Variants in SNX3 observed in about 807,000 individuals in gnomAD.
The protein encoded by SNX3 is sorting nexin-3.
In SNX3, 5 loss-of-function variants were observed where a neutral mutation model predicts 17.7. The ratio of observed to expected loss-of-function variants is 0.28; its 90% CI spans 0.15 to 0.59. The LOEUF (loss-of-function observed/expected upper bound fraction) is 0.59. SNX3 is among the 20% of genes least tolerant of loss of function. The pLI is 0.88. For synonymous variants in SNX3, 91 were observed against 76.5 expected (o/e 1.19, Z -0.99); for missense variants, 132 against 206.8 (o/e 0.64, Z 2.22).
intron 1 of SNX3, among the ~76,000 whole-genome samples, chr6:108,258,674 A>G (rs1161633842): frequency 6.6e-6 from 1 of 151,740 alleles, no homozygotes; most frequent in Non-Finnish European, 1.5e-5. Context: ...ACCACGCCCA[A>G]CTAATTTCTT....
chr6:108,241,143 C>CAAAAA (rs71274311), intron 1 of SNX3, among the ~76,000 whole-genome samples: 1 of 51,180 alleles, frequency 2.0e-5, no homozygotes, highest in Non-Finnish European at 3.8e-5. Context: ...GACTCCGTCT[C>CAAAAA]AAAAAAAAAA....
chr6:108,252,813 A>G (rs1775906111), intron 1 of SNX3, among the ~76,000 whole-genome samples: 1 of 151,732 alleles, frequency 6.6e-6, no homozygotes, highest in Non-Finnish European at 1.5e-5. Context: ...TAATTTTTGT[A>G]TTTTAGTAGA....
intron 1 of SNX3, among the ~76,000 whole-genome samples, chr6:108,236,742 T>G (rs941750622): frequency 3.3e-5 from 5 of 152,108 alleles, no homozygotes; most frequent in African/African-American, 1.2e-4. Context: ...GCTTGAAGTA[T>G]TACTTGGAAA....
At chr6:108,237,113 A>G (rs1775369680) in intron 1 of SNX3, among the ~76,000 whole-genome samples, 1 of 152,266 alleles carries the variant, frequency 6.6e-6, no homozygotes, top group African/African-American at 2.4e-5. Flanking sequence ...CAAAAGTTTC[A>G]ATACATAATC....
chr6:108,224,178 A>G (rs776509599), intron 1 of SNX3, among the ~76,000 whole-genome samples: 9 of 152,280 alleles, frequency 5.9e-5, no homozygotes, highest in Middle Eastern at 6.8e-3. Flanking sequence ...TCCATTGCCC[A>G]GGCTGGATTT....
At chr6:108,248,969 T>C (rs1775770448) in intron 1 of SNX3, among the ~76,000 whole-genome samples, 1 of 152,160 alleles carries the variant, frequency 6.6e-6, no homozygotes, top group African/African-American at 2.4e-5. Context: ...CTTACCTATG[T>C]TAATAGTTCA....
intron 2 of SNX3, among the ~76,000 whole-genome samples, chr6:108,215,667 G>A (rs1030972324): frequency 6.6e-6 from 1 of 152,152 alleles, no homozygotes; most frequent in Non-Finnish European, 1.5e-5. Context: ...TGGGCCAGGT[G>A]CAGTGGCTCA....
At chr6:108,252,814 T>C (rs1457351402) in intron 1 of SNX3, among the ~76,000 whole-genome samples, 1 of 152,006 alleles carries the variant, frequency 6.6e-6, no homozygotes, top group African/African-American at 2.4e-5. Context: ...AATTTTTGTA[T>C]TTTAGTAGAT....
At chr6:108,254,219 A>G (rs539535489) in intron 1 of SNX3, among the ~76,000 whole-genome samples, 1 of 151,888 alleles carries the variant, frequency 6.6e-6, no homozygotes, top group African/African-American at 2.4e-5. Context: ...AGGTGATATG[A>G]ATTTTCTGTG....
In SNX3 at chr6:108,211,937, G is replaced by A. The variant is rs1309861078; in HGVS notation, c.*212C>T. 2.2e-6 allele frequency: 1 copy of A among 455,182 alleles called. No individual in the cohort carries two copies. Among genetic ancestry groups the A allele is most frequent in the Non-Finnish European group, 3.9e-6 (1 of 257,224 alleles). The allele number at this position is 455,182 out of a possible 1,614,324, so 28.2% of individuals were successfully genotyped here. A position where few individuals can be genotyped will look rare whatever the true frequency, so the allele number is the denominator to read the frequency against. ...CACCACATTAAAACAGCAAGAAAGAGCTATTTATATAGAAAGGCTGGAATG... is the reference window on the plus strand; with the variant it reads ...CACCACATTAAAACAGCAAGAAAGAACTATTTATATAGAAAGGCTGGAATG... On this transcript the variant is annotated 3_prime_UTR_variant, in exon 4 of 4. Transcript: ENST00000230085.
At chr6:108,260,318 C>T (rs1353533282) in intron 1 of SNX3, among the ~76,000 whole-genome samples, 1 of 152,204 alleles carries the variant, frequency 6.6e-6, no homozygotes, top group Non-Finnish European at 1.5e-5. Flanking sequence ...TCGGGAAGGG[C>T]CTGGAGCAGC....
intron 1 of SNX3, among the ~76,000 whole-genome samples, chr6:108,223,250 C>T (rs1204144822): frequency 3.3e-5 from 5 of 151,920 alleles, no homozygotes; most frequent in East Asian, 3.9e-4. Flanking sequence ...ATGATTTTTC[C>T]GCCTCAGCCT....
In SNX3 at chr6:108,223,104, G is replaced by C. The variant is rs553483634; in HGVS notation, c.163-59C>G. The C allele has an allele frequency of 4.7e-6, 4 of 850,066 alleles. No individual in the cohort carries two copies. In the South Asian group the frequency reaches 6.0e-5, roughly 13 times the overall value. 52.7% of individuals were successfully genotyped at this position (850,066 alleles called of 1,614,324 possible). A position where few individuals can be genotyped will look rare whatever the true frequency, so the allele number is the denominator to read the frequency against. The stretch of plus-strand genomic sequence containing the variant: ...ACATTAAGGAAACTTCAAAAAAATG[G>C]GGGGACGGGTATGGCAAAACAAAAG... On this transcript the variant is annotated intron_variant, in intron 1 of 3. Coordinates refer to ENST00000230085, the MANE Select transcript of SNX3 (RefSeq NM_003795.6).
intron 2 of SNX3, 102 bp from the exon 3 acceptor site, chr6:108,214,724 C>T (rs926087647): frequency 4.8e-5 from 60 of 1,252,450 alleles, no homozygotes; most frequent in African/African-American, 3.4e-4. Context: ...TGACAGCCAT[C>T]GTCCGGTCAA....
chr6:108,245,861 T>G lies in SNX3; in HGVS notation c.162+14899A>C, dbSNP rs1775673023. Among the ~76,000 whole-genome samples the G allele has an allele frequency of 4.6e-5, 7 of 152,314 alleles. No homozygotes were observed. In the South Asian group the frequency reaches 1.2e-3, roughly 27 times the overall value. On this transcript the variant is annotated intron_variant, in intron 1 of 3. Coordinates refer to ENST00000230085, the MANE Select transcript of SNX3 (RefSeq NM_003795.6). ...GGATATTAGACCTTTGTCAGATGGA[T>G]AGATTCCAAAAATTTTCTCCCATTC...
At chr6:108,241,011 A>G (rs1176676118) in intron 1 of SNX3, among the ~76,000 whole-genome samples, 1 of 151,872 alleles carries the variant, frequency 6.6e-6, no homozygotes, top group Non-Finnish European at 1.5e-5. Context: ...GCATAGGGGT[A>G]CATGCCTGTA....
At chr6:108,214,143 T>C (rs1019879616) in intron 3 of SNX3, among the ~76,000 whole-genome samples, 1 of 152,220 alleles carries the variant, frequency 6.6e-6, no homozygotes, top group Non-Finnish European at 1.5e-5. Context: ...AACAAGATGA[T>C]TGCAAGTACA....
chr6:108,248,214 A>G (rs1460590175), intron 1 of SNX3, among the ~76,000 whole-genome samples: 1 of 152,154 alleles, frequency 6.6e-6, no homozygotes, highest in Admixed American at 6.6e-5. Flanking sequence ...CAGATTATGC[A>G]TATTTTATGA....
intron 1 of SNX3, among the ~76,000 whole-genome samples, chr6:108,225,499 C>T (rs1292848134): frequency 3.3e-5 from 5 of 151,840 alleles, no homozygotes; most frequent in Admixed American, 6.6e-5. Flanking sequence ...GGCATGGTGG[C>T]GGGCGCCTGC....
Sources: allele counts gnomAD v4.1 joint callset (sites outside exome capture counted in the v4.1 genomes callset), GRCh38; gene constraint gnomAD v4.1.1; transcripts MANE v1.5; gene names NCBI Gene and HGNC (gene_info 2026-07-23, HGNC 2026-07-21).